Variants in PRKN observed in about 807,000 individuals in gnomAD.
PRKN encodes E3 ubiquitin-protein ligase parkin.
PRKN carries 56 observed loss-of-function variants against 59.5 expected under a neutral mutation model. That is an observed-to-expected ratio of 0.94 (90% CI 0.76 to 1.18). The LOEUF is 1.18. Ranked by LOEUF, PRKN falls within the 50% of genes most tolerant of loss-of-function variation. PRKN has a pLI of 0.00. For missense variants in PRKN, 657 were observed against 596.4 expected (o/e 1.10, Z -1.06); for synonymous variants, 250 against 222.1 (o/e 1.13, Z -1.12).
At chr6:162,064,734 A>T (rs7740268) in intron 4 of PRKN, among the ~76,000 whole-genome samples, 1 of 152,164 alleles carries the variant, frequency 6.6e-6, no homozygotes, top group Non-Finnish European at 1.5e-5. Context: ...AAAAATCTGT[A>T]TTTTCAAAGT....
At chr6:161,764,424 T>C (rs1046297460) in intron 7 of PRKN, among the ~76,000 whole-genome samples, 1 of 152,192 alleles carries the variant, frequency 6.6e-6, no homozygotes, top group African/African-American at 2.4e-5. Context: ...TTATAAATTG[T>C]AGAGGCCTAT....
intron 1 of PRKN, among the ~76,000 whole-genome samples, chr6:162,456,995 A>G (rs528807296): frequency 1.3e-5 from 2 of 152,336 alleles, no homozygotes; most frequent in Admixed American, 1.3e-4. Flanking sequence ...CACTACATAG[A>G]CCTCAAAGAG....
intron 4 of PRKN, among the ~76,000 whole-genome samples, chr6:162,113,687 C>T (rs1231981196): frequency 6.6e-6 from 1 of 152,054 alleles, no homozygotes; most frequent in Non-Finnish European, 1.5e-5. Context: ...CGGTAGTTAC[C>T]CCAGGACAGC....
At chr6:162,452,395 T>G (rs1288459045) in intron 1 of PRKN, among the ~76,000 whole-genome samples, 1 of 147,982 alleles carries the variant, frequency 6.8e-6, no homozygotes, top group Non-Finnish European at 1.5e-5. Context: ...TTAATGCAGA[T>G]GACTGGGTAA....
intron 7 of PRKN, among the ~76,000 whole-genome samples, chr6:161,643,669 G>T (rs1377750255): frequency 6.6e-6 from 1 of 152,084 alleles, no homozygotes; most frequent in Non-Finnish European, 1.5e-5. Flanking sequence ...CTTAAACCTG[G>T]CTAACGCATT....
At chr6:161,929,302 T>G (rs1360346654) in intron 6 of PRKN, among the ~76,000 whole-genome samples, 1 of 152,112 alleles carries the variant, frequency 6.6e-6, no homozygotes, top group Non-Finnish European at 1.5e-5. Flanking sequence ...GCTTAGTGAT[T>G]GCCAGAGACT....
chr6:162,311,781 T>C (rs747120663), intron 2 of PRKN, among the ~76,000 whole-genome samples: 28 of 152,106 alleles, frequency 1.8e-4, no homozygotes, highest in Non-Finnish European at 2.1e-4. Context: ...TGTTCTCTCC[T>C]GCCTGGTCAT....
intron 1 of PRKN, among the ~76,000 whole-genome samples, chr6:162,489,069 G>A (rs938441663): frequency 7.9e-6 from 1 of 125,966 alleles, no homozygotes; most frequent in Admixed American, 8.1e-5. Flanking sequence ...CCAGGGAGAA[G>A]GAGCTCACCC....
chr6:162,391,018 GTGT>G (rs1394437725), intron 2 of PRKN, among the ~76,000 whole-genome samples: 2 of 152,150 alleles, frequency 1.3e-5, no homozygotes, highest in African/African-American at 4.8e-5. Context: ...CTAGAAAGAA[GTGT>G]TGTTAGAATT....
chr6:161,564,197 C>T (rs1396099264), intron 8 of PRKN, among the ~76,000 whole-genome samples: 1 of 152,198 alleles, frequency 6.6e-6, no homozygotes, highest in Non-Finnish European at 1.5e-5. Context: ...GAGCTCTCTG[C>T]TTCCTCTCGG....
intron 1 of PRKN, among the ~76,000 whole-genome samples, chr6:162,472,448 A>G (rs1791794839): frequency 7.6e-6 from 1 of 131,642 alleles, no homozygotes; most frequent in Non-Finnish European, 1.6e-5. Flanking sequence ...CATGCAGTCC[A>G]AACTCTAACT....
intron 2 of PRKN, among the ~76,000 whole-genome samples, chr6:162,298,692 C>A (rs1008989734): frequency 1.4e-5 from 2 of 146,110 alleles, no homozygotes; most frequent in African/African-American, 2.5e-5. Flanking sequence ...TGGCCTTCAC[C>A]TTGATGAAAG....
intron 2 of PRKN, among the ~76,000 whole-genome samples, chr6:162,391,056 G>A (rs566818917): frequency 8.5e-5 from 13 of 152,230 alleles, no homozygotes; most frequent in African/African-American, 3.1e-4. Flanking sequence ...ATGAAACTTC[G>A]CTGTAAACTC....
chr6:161,746,721 T>C (rs1156720055), intron 7 of PRKN, among the ~76,000 whole-genome samples: 1 of 147,346 alleles, frequency 6.8e-6, no homozygotes, highest in East Asian at 2.0e-4. Context: ...TATAGATATA[T>C]ATGTCTATAT....
intron 5 of PRKN, among the ~76,000 whole-genome samples, chr6:162,033,672 G>T (rs1215570335): frequency 6.6e-6 from 1 of 152,092 alleles, no homozygotes; most frequent in African/African-American, 2.4e-5. Context: ...GTTAAAGCAT[G>T]ATTTTTTAAT....
chr6:162,518,787 C>T (rs77496358), intron 1 of PRKN, among the ~76,000 whole-genome samples: 13,583 of 152,206 alleles, frequency 0.089, 656 homozygotes, highest in South Asian at 0.16. Flanking sequence ...CTAGAAAACA[C>T]AGCTACATAA....
intron 3 of PRKN, among the ~76,000 whole-genome samples, chr6:162,239,471 G>A (rs1015351578): frequency 4.6e-5 from 7 of 151,878 alleles, no homozygotes; most frequent in Admixed American, 3.3e-4. Flanking sequence ...ATAGAGGCCC[G>A]GCATGGTTAA....
At chr6:162,037,471 CT>C (rs1432667057) in intron 5 of PRKN, among the ~76,000 whole-genome samples, 1 of 151,668 alleles carries the variant, frequency 6.6e-6, no homozygotes. Context: ...GGAAAACAGA[CT>C]TGGAAGAATA....
At chr6:161,601,647 A>G (rs35507624) in intron 7 of PRKN, among the ~76,000 whole-genome samples, 4,194 of 149,462 alleles carry the variant, frequency 0.028, 146 homozygotes, top group African/African-American at 0.086. Context: ...CAGTGGCGCG[A>G]TCTCGGCTCA....
Sources: allele counts gnomAD v4.1 joint callset (sites outside exome capture counted in the v4.1 genomes callset), GRCh38; gene constraint gnomAD v4.1.1; transcripts MANE v1.5; gene names NCBI Gene and HGNC (gene_info 2026-07-23, HGNC 2026-07-21).